FBXO28: variants seen among roughly 807,000 people sequenced by gnomAD.
FBXO28 encodes the protein F-box protein 28, also known as F-box only protein 28.
In FBXO28, 8 loss-of-function variants were observed where a neutral mutation model predicts 38.1. The observed-to-expected ratio is 0.21, with a 90% confidence interval of 0.12 to 0.38. The LOEUF is 0.38. FBXO28 is among the 10% of genes least tolerant of loss of function. The pLI is 1.00. For synonymous variants in FBXO28, 168 were observed against 173.8 expected (o/e 0.97, Z 0.26); for missense variants, 345 against 460.6 (o/e 0.75, Z 2.30).
At chr1:224,155,762 T>C (rs1343966306) in intron 4 of FBXO28, among the ~76,000 whole-genome samples, 3 of 152,240 alleles carry the variant, frequency 2.0e-5, no homozygotes, top group Non-Finnish European at 4.4e-5. Flanking sequence ...GTATCTGTTA[T>C]TTATTGAGTA....
At chr1:224,136,155 G>C (rs533441053) in intron 3 of FBXO28, among the ~76,000 whole-genome samples, 27 of 125,838 alleles carry the variant, frequency 2.1e-4, no homozygotes, top group African/African-American at 8.3e-4. Flanking sequence ...CCAGGCTGGA[G>C]TGCAGTGGGG....
intron 1 of FBXO28, among the ~76,000 whole-genome samples, chr1:224,123,769 G>A (rs1656839258): frequency 6.6e-6 from 1 of 152,074 alleles, no homozygotes; most frequent in South Asian, 2.1e-4. Context: ...GTGCATCTTA[G>A]AATCAGTTAA....
chr1:224,128,279 T>C (rs146256951), intron 1 of FBXO28, among the ~76,000 whole-genome samples: 5 of 151,874 alleles, frequency 3.3e-5, no homozygotes, highest in African/African-American at 1.2e-4. Context: ...ACTGTCCATG[T>C]CTTGTACTGC....
At chr1:224,146,538 T>C (rs1435740092) in intron 3 of FBXO28, among the ~76,000 whole-genome samples, 1 of 152,158 alleles carries the variant, frequency 6.6e-6, no homozygotes, top group Non-Finnish European at 1.5e-5. Context: ...AGCGTGGTAC[T>C]TCTACTGTGT....
chr1:224,114,293 C>A lies in FBXO28; in HGVS notation c.164C>A (p.Pro55Gln). The change falls in exon 1 of 5, where the codon CCG (proline) becomes CAG (glutamine). Residue 55 changes from proline (P) to glutamine (Q), a missense_variant. Coordinates refer to ENST00000366862, the MANE Select transcript of FBXO28 (RefSeq NM_015176.4). ...GCGCTCCCAGCCCCCGCGCTGGCTC[C>A]GGACCAGCTGCCTCAAAACAACACG... ...SQALPAPALA[P>Q]DQLPQNNTLV... 6.4e-7 allele frequency: 1 copy of A among 1,561,164 alleles called. No individual in the cohort carries two copies. Among genetic ancestry groups the A allele is most frequent in the East Asian group, 2.4e-5 (1 of 42,016 alleles).
intron 2 of FBXO28, among the ~76,000 whole-genome samples, chr1:224,131,986 CT>C (rs1367769736): frequency 6.6e-6 from 1 of 152,176 alleles, no homozygotes. Context: ...GGTGCAGTGG[CT>C]CACACCTGTA....
intron 3 of FBXO28, among the ~76,000 whole-genome samples, chr1:224,150,936 A>G (rs1260119242): frequency 1.3e-5 from 2 of 152,146 alleles, no homozygotes; most frequent in African/African-American, 4.8e-5. Flanking sequence ...AAAAGTGACA[A>G]GTACATAGTA....
intron 1 of FBXO28, among the ~76,000 whole-genome samples, chr1:224,124,345 A>G (rs1266119356): frequency 6.6e-6 from 1 of 152,188 alleles, no homozygotes; most frequent in Non-Finnish European, 1.5e-5. Flanking sequence ...TATTCTATTC[A>G]TTCCCTTTTG....
chr1:224,146,165 C>G (rs917347364), intron 3 of FBXO28, among the ~76,000 whole-genome samples: 1 of 150,666 alleles, frequency 6.6e-6, no homozygotes, highest in African/African-American at 2.4e-5. Flanking sequence ...ACCTGGGAAG[C>G]GGAGGTTGCA....
chr1:224,120,658 T>G (rs1656749899), intron 1 of FBXO28, among the ~76,000 whole-genome samples: 1 of 151,548 alleles, frequency 6.6e-6, no homozygotes, highest in Admixed American at 6.6e-5. Flanking sequence ...AGGTCAGGAG[T>G]TCGAGACCAG....
rs373553292 is a variant in FBXO28, at chr1:224,154,001, G to A, written c.712+664G>A. ...TGGTCCCAGCACTTTGGGAGACTGA[G>A]GCGGGAGGATCGTTTCAGCCCAGGA... On this transcript the variant is annotated intron_variant, in intron 4 of 4. Transcript: ENST00000366862. 4.6e-5 allele frequency among the ~76,000 whole-genome samples: 7 copies of A among 152,124 alleles called. No homozygotes were observed. The East Asian group carries it at 1.2e-3, about 25-fold the overall frequency.
Position 224,139,764 on chromosome 1 carries a change from G to GCATACATACATA in FBXO28, c.516+5580_516+5591dup, listed in dbSNP as rs57108038. ...GAAATAAATACATACATGCATGCAT[G>GCATACATACATA]CATACATACATACATACATACATAC... On this transcript the variant is annotated intron_variant, in intron 3 of 4. Coordinates refer to ENST00000366862, the MANE Select transcript of FBXO28 (RefSeq NM_015176.4). Among the ~76,000 whole-genome samples the GCATACATACATA allele has an allele frequency of 1.4e-3, 201 of 146,036 alleles. 1 individual carries two copies. The highest frequency in any genetic ancestry group is 5.9e-3 in the Admixed American group (85 of 14,308).
chr1:224,120,182 A>C (rs921419675), intron 1 of FBXO28, among the ~76,000 whole-genome samples: 1 of 152,202 alleles, frequency 6.6e-6, no homozygotes, highest in Non-Finnish European at 1.5e-5. Context: ...CTGGGAGCAA[A>C]AGATAACCTT....
At position 224,114,118 on chromosome 1, in the gene FBXO28, C is replaced by G. The variant is rs1656581272; in HGVS notation, c.-12C>G. The G allele has an allele frequency of 6.5e-7, 1 of 1,531,150 alleles. No homozygotes were observed. Among genetic ancestry groups the G allele is most frequent in the East Asian group, 2.5e-5 (1 of 40,598 alleles). The allele number at this position is 1,531,150 out of a possible 1,614,324, so 94.8% of individuals were successfully genotyped here. Reference sequence around the variant, plus strand: ...TCCCCTTGCTGTGGGGGTAAGGAATCAAGCCCCCAAGATGGCGGCAGCGGC... The same window carrying G: ...TCCCCTTGCTGTGGGGGTAAGGAATGAAGCCCCCAAGATGGCGGCAGCGGC... On this transcript the variant is annotated 5_prime_UTR_variant, in exon 1 of 5. In the 5' UTR this introduces an upstream ATG that the reference lacks. Transcript: ENST00000366862.
chr1:224,122,037 G>T (rs562518109), intron 1 of FBXO28, among the ~76,000 whole-genome samples: 2 of 152,324 alleles, frequency 1.3e-5, no homozygotes, highest in East Asian at 3.9e-4. Context: ...GCCTCGCAAA[G>T]TGCTGGGATT....
intron 4 of FBXO28, among the ~76,000 whole-genome samples, chr1:224,153,569 T>C (rs1218419179): frequency 1.3e-5 from 2 of 152,228 alleles, no homozygotes; most frequent in East Asian, 1.9e-4. Flanking sequence ...TGAGCGGTCT[T>C]GCGACTAAAT....
rs1344742920 is a variant in FBXO28 at position 224,117,976 on chromosome 1, A to G, written c.267+3580A>G. 5.3e-5 allele frequency among the ~76,000 whole-genome samples: 8 copies of G among 151,118 alleles called. No homozygotes were observed. The East Asian group carries it at 1.6e-3, about 30-fold the overall frequency. On this transcript the variant is annotated intron_variant, in intron 1 of 4. Coordinates refer to ENST00000366862, the MANE Select transcript of FBXO28 (RefSeq NM_015176.4). ...TTCTTACCTACTGAAAAACAAGTAT[A>G]GGGAGCTTTTTAATTAATTAATTAA...
intron 1 of FBXO28, among the ~76,000 whole-genome samples, chr1:224,119,346 C>T (rs1484969312): frequency 2.0e-5 from 3 of 151,362 alleles, no homozygotes; most frequent in Non-Finnish European, 4.4e-5. Flanking sequence ...ACCGTGTTAG[C>T]CAGGATGGTC....
intron 3 of FBXO28, among the ~76,000 whole-genome samples, chr1:224,148,767 A>G (rs1657571567): frequency 1.3e-5 from 2 of 152,222 alleles, no homozygotes; most frequent in Admixed American, 6.5e-5. Flanking sequence ...CCTATCACCT[A>G]TCCATCCACA....
Sources: gnomAD v4.1 joint callset for allele counts (sites outside exome capture counted in the v4.1 genomes callset) on GRCh38, gnomAD v4.1.1 for gene constraint, MANE v1.5 for transcripts, NCBI Gene and HGNC (gene_info 2026-07-23, HGNC 2026-07-21) for gene names.